KCNK16: variants seen among roughly 807,000 people sequenced by gnomAD.
KCNK16 encodes potassium channel subfamily K member 16.
In KCNK16, 23 loss-of-function variants were observed where a neutral mutation model predicts 23.0. That is an observed-to-expected ratio of 1.00 (90% confidence interval 0.72 to 1.41). KCNK16 has a LOEUF of 1.41. Ranked by LOEUF, KCNK16 falls within the 40% of genes most tolerant of loss-of-function variation. KCNK16 has a pLI of 0.00. For synonymous variants in KCNK16, 145 were observed against 153.5 expected, an observed-to-expected ratio of 0.94 and a Z score of 0.41; for missense variants, 327 against 365.8, an observed-to-expected ratio of 0.89 and a Z score of 0.87.
chr6:39,319,455 G>A lies in KCNK16; in HGVS notation c.214-322C>T, dbSNP rs910876149. ...TGGAGGATGCTCAGGGAGGGGTCCC[G>A]TGGGAGATGCTGCTGGTGGCCAAAA... On this transcript the variant is annotated intron_variant, in intron 1 of 4. Transcript: ENST00000437525. The surrounding 1 kb of genome is among the most constrained non-coding windows in gnomAD (Gnocchi z 4.2). Among the ~76,000 whole-genome samples, 4 of 152,230 alleles carry A rather than the reference G, an allele frequency of 2.6e-5. No homozygotes were observed. The highest frequency in any genetic ancestry group is 6.5e-5 in the Admixed American group (1 of 15,292).
In KCNK16 at chr6:39,316,243, AGGCCTGGGGAG is replaced by A. The variant is rs1187233693; in HGVS notation, c.850_860del (p.Leu284SerfsTer?). On this transcript the variant is annotated frameshift_variant, in exon 5 of 5. Transcript: ENST00000437525. LOFTEE classifies it high-confidence loss of function. ...CTCATGCAGAGATGGGGATCTTCTG[AGGCCTGGGGAG>A]CCCACTGGGGTCAGAGGCTGCCCCA... 14 of 1,557,198 alleles carry A rather than the reference AGGCCTGGGGAG, an allele frequency of 9.0e-6. No individual in the cohort carries two copies. In the African/African-American group the frequency reaches 1.9e-4, roughly 21 times the overall value.
downstream of KCNK16, chr6:39,314,886 G>T: frequency 1.9e-6 from 2 of 1,030,280 alleles, no homozygotes; most frequent in South Asian, 1.6e-5. Context: ...GAGCTTGGGA[G>T]GTAAGAGGAG....
Position 39,319,239 on chromosome 6 carries a change from A to AG in KCNK16, c.214-107_214-106insC. On this transcript the variant is annotated intron_variant, in intron 1 of 4. Coordinates refer to ENST00000437525, the MANE Select transcript of KCNK16 (RefSeq NM_001135106.2). The surrounding 1 kb of genome is among the most constrained non-coding windows in gnomAD (Gnocchi z 4.2). ...TGCTTTTGTGTCATCTCATCTAATG[A>AG]TACTCTTAGATGATATTGTTCCCAT... 2 of 704,032 alleles carry AG rather than the reference A, an allele frequency of 2.8e-6. No homozygotes were observed. Among genetic ancestry groups the AG allele is most frequent in the Non-Finnish European group, 5.2e-6 (2 of 386,576 alleles). 43.6% of individuals were successfully genotyped at this position (704,032 alleles called of 1,614,324 possible).
At chr6:39,322,936 G>A (rs779975345), upstream of KCNK16, 26 of 183,896 alleles carry the variant, frequency 1.4e-4, no homozygotes, top group Admixed American at 5.9e-4. Flanking sequence ...GGGCTCTCTC[G>A]GCCGCCCCCA....
At chr6:39,322,056 G>A (rs1472330484) in intron 1 of KCNK16, among the ~76,000 whole-genome samples, 1 of 152,230 alleles carries the variant, frequency 6.6e-6, no homozygotes, top group African/African-American at 2.4e-5. Context: ...TCAAATGTCT[G>A]CAGTACCGAT....
rs187982263 is a variant in KCNK16, at chr6:39,322,029, G to A, written c.213+299C>T. 5.9e-5 allele frequency among the ~76,000 whole-genome samples: 9 copies of A among 152,366 alleles called. No homozygotes were observed. In the East Asian group the frequency reaches 1.7e-3, roughly 29 times the overall value. ...CATCCAGCAAGTGACAGCTTAGAGA[G>A]TGCTTTTAATCTGCTGTCAAATGTC... On this transcript the variant is annotated intron_variant, in intron 1 of 4. Coordinates refer to ENST00000437525, the MANE Select transcript of KCNK16 (RefSeq NM_001135106.2).
At chr6:39,316,168 A>C, downstream of KCNK16, 2 of 1,457,954 alleles carry the variant, frequency 1.4e-6, no homozygotes, top group South Asian at 2.8e-5. Flanking sequence ...GAGAGCAGAT[A>C]GGGTGGGACT....
chr6:39,315,426 G>A (rs1281449778), downstream of KCNK16: 9 of 1,550,050 alleles, frequency 5.8e-6, no homozygotes, highest in Middle Eastern at 5.0e-4. Context: ...AAGTTAAGGG[G>A]GTGGCCTGTG....
rs1474408804 is a variant in KCNK16 at position 39,316,837 on chromosome 6, G to C, written c.606C>G (p.Gly202=). The change falls in exon 4 of 5, where the codon GGC becomes GGG. Residue 202 remains glycine (G), a synonymous_variant. Coordinates refer to ENST00000437525, the MANE Select transcript of KCNK16 (RefSeq NM_001135106.2). ...SHVEGWSFSE[G]FYFAFITLST... is the part of the protein sequence containing the mutation. The stretch of plus-strand genomic sequence containing the variant: ...TGAGAGTGATGAAAGCAAAGTAGAA[G>C]CCCTCGCTGAAGCTCCAGCCCTCCA... 1 of 1,614,076 alleles carries C rather than the reference G, an allele frequency of 6.2e-7. No individual in the cohort carries two copies. Among genetic ancestry groups the C allele is most frequent in the Admixed American group, 1.7e-5 (1 of 60,022 alleles).
upstream of KCNK16, chr6:39,322,815 G>A: frequency 2.2e-6 from 1 of 454,990 alleles, no homozygotes; most frequent in East Asian, 3.3e-5. Flanking sequence ...ACCCTTCAAA[G>A]AGACCTACCA....
intron 3 of KCNK16, 123 bp from the exon 4 acceptor site, chr6:39,317,070 T>C: frequency 1.0e-6 from 1 of 955,012 alleles, no homozygotes; most frequent in Non-Finnish European, 1.5e-6. Context: ...TTTCCTGCAC[T>C]GCAGACCCTC....
intron 2 of KCNK16, among the ~76,000 whole-genome samples, chr6:39,318,593 A>C (rs984651615): frequency 6.6e-6 from 1 of 152,120 alleles, no homozygotes; most frequent in African/African-American, 2.4e-5. Flanking sequence ...CCCCGCTCCC[A>C]GTTTCTGCAC....
At chr6:39,322,066 T>C (rs1042737777) in intron 1 of KCNK16, among the ~76,000 whole-genome samples, 3 of 152,196 alleles carry the variant, frequency 2.0e-5, no homozygotes, top group African/African-American at 4.8e-5. Flanking sequence ...GCAGTACCGA[T>C]ATGGTTATTC....
In KCNK16 at chr6:39,316,966, G is replaced by T. The variant is rs1762343018; in HGVS notation, c.496-19C>A. On this transcript the variant is annotated intron_variant, in intron 3 of 4. Coordinates refer to ENST00000437525, the MANE Select transcript of KCNK16 (RefSeq NM_001135106.2). ...GCAGTACCTAGGAGGGAGGGAGTTG[G>T]CCTCTGAGTCCACTTGAAAGTCTCC... is the stretch of plus-strand genomic sequence containing the variant. 1 of 1,598,898 alleles carries T rather than the reference G, an allele frequency of 6.3e-7. No homozygotes were observed. Among genetic ancestry groups the T allele is most frequent in the Non-Finnish European group, 8.5e-7 (1 of 1,174,144 alleles).
intron 1 of KCNK16, among the ~76,000 whole-genome samples, chr6:39,321,872 C>G (rs896135289): frequency 1.3e-5 from 2 of 152,208 alleles, no homozygotes; most frequent in African/African-American, 4.8e-5. Flanking sequence ...CCACCCGCAG[C>G]CGTCTGCCCA....
chr6:39,317,081 G>C (rs35099099), intron 3 of KCNK16, 134 bp from the exon 4 acceptor site: 4 of 840,528 alleles, frequency 4.8e-6, no homozygotes, highest in Non-Finnish European at 7.2e-6. Context: ...GCAGACCCTC[G>C]AGGTGGAGGT....
chr6:39,316,637 G>C, intron 4 of KCNK16, 145 bp downstream of exon 4: 1 of 1,185,108 alleles, frequency 8.4e-7, no homozygotes, highest in Non-Finnish European at 1.2e-6. Flanking sequence ...AGAATCCACA[G>C]TAGTCCCAGA....
intron 1 of KCNK16, among the ~76,000 whole-genome samples, chr6:39,320,536 A>G (rs190350414): frequency 6.6e-6 from 1 of 152,062 alleles, no homozygotes; most frequent in Non-Finnish European, 1.5e-5. Flanking sequence ...TAGTTACTCA[A>G]CTCGCCCTGT....
chr6:39,318,049 C>G, intron 2 of KCNK16, 97 bp from the exon 3 acceptor site: 6 of 1,217,166 alleles, frequency 4.9e-6, no homozygotes, highest in South Asian at 1.8e-5. Context: ...GTCACCACCT[C>G]TGGGGGTGAG....
Sources: gnomAD v4.1 joint callset for allele counts (sites outside exome capture counted in the v4.1 genomes callset) on GRCh38, gnomAD v4.1.1 for gene constraint, Gnocchi (gnomAD v3.1) non-coding constraint, MANE v1.5 for transcripts, NCBI Gene and HGNC (gene_info 2026-07-23, HGNC 2026-07-21) for gene names.